Variants in POLN observed in about 807,000 individuals in gnomAD.
POLN encodes DNA polymerase nu, also known as DNA polymerase N.
POLN carries 108 observed loss-of-function variants against 113.5 expected under a neutral mutation model. The observed-to-expected ratio is 0.95, with a 90% CI of 0.81 to 1.12. The LOEUF is 1.12. POLN is among the 50% of genes most tolerant of loss of function. The pLI is 0.00. For synonymous variants in POLN, 386 were observed against 391.5 expected, an observed-to-expected ratio of 0.99 and a Z score of 0.17; for missense variants, 1,097 against 1,077.1, an observed-to-expected ratio of 1.02 and a Z score of -0.26.
chr4:2,145,613 C>T (rs1166673968), intron 16 of POLN, among the ~76,000 whole-genome samples: 3 of 152,162 alleles, frequency 2.0e-5, no homozygotes, highest in African/African-American at 7.2e-5. Flanking sequence ...AATCCACACT[C>T]ATCAAATTGG....
Position 2,159,128 on chromosome 4 carries a change from CTTTTACG to C in POLN, c.1611+20_1611+26del. ...ATGGTTCCCCCTCATCACCTTTTAC[CTTTTACG>C]TACAAAAAAATTAACTTACCTGCCT... On this transcript the variant is annotated intron_variant, in intron 14 of 25. Coordinates refer to ENST00000511885, the MANE Select transcript of POLN (RefSeq NM_181808.4). 1 of 1,550,712 alleles carries C rather than the reference CTTTTACG, an allele frequency of 6.4e-7. No homozygotes were observed. The highest frequency in any genetic ancestry group is 8.9e-7 in the Non-Finnish European group (1 of 1,123,354).
In POLN at chr4:2,097,594, C is replaced by T. The variant is rs943122507; in HGVS notation, c.1983-1661G>A. 4.6e-5 allele frequency among the ~76,000 whole-genome samples: 7 copies of T among 151,872 alleles called. No homozygotes were observed. In the South Asian group the frequency reaches 8.3e-4, roughly 18 times the overall value. On this transcript the variant is annotated intron_variant, in intron 19 of 25. Coordinates refer to ENST00000511885, the MANE Select transcript of POLN (RefSeq NM_181808.4). ...CAAACTCCTGACCTCGTGATCAGCC[C>T]GCCTTGGCCTCCCAAAGTGCTGGGA...
intron 3 of POLN, among the ~76,000 whole-genome samples, chr4:2,222,701 TTTTTTTTTTTTA>T (rs1375185786): frequency 6.8e-6 from 1 of 147,868 alleles, no homozygotes; most frequent in African/African-American, 2.6e-5. Flanking sequence ...CGGCCTTTTT[TTTTTTTTTTTTA>T]TTTTTCCACA....
intron 3 of POLN, among the ~76,000 whole-genome samples, chr4:2,214,497 A>G (rs530527427): frequency 2.0e-5 from 3 of 152,340 alleles, no homozygotes; most frequent in South Asian, 2.1e-4. Flanking sequence ...CATTTACAAG[A>G]TAAGACAAAC....
chr4:2,201,649 T>C (rs6831771), intron 5 of POLN, among the ~76,000 whole-genome samples: 24,423 of 152,082 alleles, frequency 0.16, 3,164 homozygotes, highest in East Asian at 0.35. Context: ...CAAGGAAAAC[T>C]TCCCTGGCCT....
At chr4:2,149,215 G>T (rs752663375) in intron 16 of POLN, among the ~76,000 whole-genome samples, 1 of 151,962 alleles carries the variant, frequency 6.6e-6, no homozygotes, top group Non-Finnish European at 1.5e-5. Context: ...AATTGCTTGC[G>T]CCTGGGAGGC....
intron 19 of POLN, among the ~76,000 whole-genome samples, chr4:2,116,551 T>TAAA (rs34335060): frequency 6.8e-6 from 1 of 147,452 alleles, no homozygotes. Flanking sequence ...AATTACCAAT[T>TAAA]AAAAAAAAAA....
intron 3 of POLN, among the ~76,000 whole-genome samples, chr4:2,224,616 C>T (rs1010330611): frequency 3.3e-5 from 5 of 152,150 alleles, no homozygotes; most frequent in Middle Eastern, 3.4e-3. Flanking sequence ...CTTTTATACA[C>T]CTGGTAGTGC....
At chr4:2,080,890 C>T (rs1355407030) in intron 23 of POLN, 68 bp downstream of exon 23, 3 of 1,610,290 alleles carry the variant, frequency 1.9e-6, no homozygotes, top group South Asian at 1.1e-5. Context: ...AATCACGAGC[C>T]CCGAGGGGGT....
chr4:2,236,409 A>C (rs1275531981), intron 2 of POLN: 1 of 1,613,760 alleles, frequency 6.2e-7, no homozygotes, highest in Admixed American at 1.7e-5. Flanking sequence ...TCCATGAGTT[A>C]GAAACAATTC....
In POLN at chr4:2,072,012, A is replaced by G. The variant is rs781454252; in HGVS notation, c.*102T>C. 38 of 1,360,686 alleles carry G rather than the reference A, an allele frequency of 2.8e-5. No homozygotes were observed. The South Asian group carries it at 4.1e-4, about 15-fold the overall frequency. The allele number at this position is 1,360,686 out of a possible 1,614,324, so 84.3% of individuals were successfully genotyped here. ...GGGGATGGCGGGCCACCCCAGCCCC[A>G]AAGGGTTAATGCGTCCTGGGGCGTA... On this transcript the variant is annotated 3_prime_UTR_variant, in exon 26 of 26. Transcript: ENST00000511885.
rs781235839 is a variant in POLN, at chr4:2,097,355, A to AT, written c.1983-1423dup. Among the ~76,000 whole-genome samples the AT allele has an allele frequency of 3.8e-3, 542 of 144,524 alleles. 3 individuals carry two copies. Among genetic ancestry groups the AT allele is most frequent in the African/African-American group, 9.0e-3 (357 of 39,574 alleles). 94.8% of individuals were successfully genotyped at this position (144,524 alleles called of 152,430 possible). A position where few individuals can be genotyped will look rare whatever the true frequency, so the allele number is the denominator to read the frequency against. On this transcript the variant is annotated intron_variant, in intron 19 of 25. Transcript: ENST00000511885. Reference sequence around the variant, plus strand: ...AGAGTCATCACCAGGCTCTCCTACCATTTTTTTTTTTTTGAGACAGAGTCT... The same window carrying AT: ...AGAGTCATCACCAGGCTCTCCTACCATTTTTTTTTTTTTTGAGACAGAGTCT...
At chr4:2,087,586 T>C (rs1730578958) in intron 20 of POLN, among the ~76,000 whole-genome samples, 1 of 152,220 alleles carries the variant, frequency 6.6e-6, no homozygotes, top group African/African-American at 2.4e-5. Flanking sequence ...AGTTTTCTTT[T>C]TTTCATTTAT....
chr4:2,138,094 C>T (rs982531210), intron 16 of POLN, among the ~76,000 whole-genome samples: 2 of 152,218 alleles, frequency 1.3e-5, no homozygotes, highest in African/African-American at 2.4e-5. Flanking sequence ...ACCTCAGCCT[C>T]CCAAAGTGCT....
intron 4 of POLN, among the ~76,000 whole-genome samples, chr4:2,211,419 C>T (rs1364227335): frequency 6.6e-6 from 1 of 151,936 alleles, no homozygotes; most frequent in Non-Finnish European, 1.5e-5. Context: ...ATGTACTTTG[C>T]AATTTTTTAA....
intron 16 of POLN, among the ~76,000 whole-genome samples, chr4:2,138,834 C>G (rs924024067): frequency 6.6e-6 from 1 of 151,588 alleles, no homozygotes; most frequent in African/African-American, 2.4e-5. Flanking sequence ...GCAGAGGTTA[C>G]AGTGAGCCAA....
At position 2,129,252 on chromosome 4, in the gene POLN, TTTACC is replaced by T; in HGVS notation, c.1790-1_1793del. The T allele has an allele frequency of 3.2e-6, 5 of 1,581,154 alleles. No homozygotes were observed. The highest frequency in any genetic ancestry group is 4.3e-6 in the Non-Finnish European group (5 of 1,150,338). On this transcript the variant is annotated splice_acceptor_variant and coding_sequence_variant, in exon 18 of 26. Coordinates refer to ENST00000511885, the MANE Select transcript of POLN (RefSeq NM_181808.4). LOFTEE classifies it high-confidence loss of function. ...GGGAGATCGTGAGAATCTTGTCTTC[TTTACC>T]TGAATTGTTATTTCAAGAGCATTTA...
chr4:2,215,190 T>A (rs1176307516), intron 3 of POLN, among the ~76,000 whole-genome samples: 1 of 152,082 alleles, frequency 6.6e-6, no homozygotes, highest in Admixed American at 6.6e-5. Context: ...ATCCACATCA[T>A]GAAATACATA....
intron 16 of POLN, among the ~76,000 whole-genome samples, chr4:2,152,873 G>A (rs1314523095): frequency 6.6e-6 from 1 of 152,150 alleles, no homozygotes; most frequent in Non-Finnish European, 1.5e-5. Context: ...ATTGCTCAGG[G>A]CAGAGACAGG....
Sources: gnomAD v4.1 joint callset for allele counts (sites outside exome capture counted in the v4.1 genomes callset) on GRCh38, gnomAD v4.1.1 for gene constraint, MANE v1.5 for transcripts, NCBI Gene and HGNC (gene_info 2026-07-23, HGNC 2026-07-21) for gene names.